Variants in SREK1IP1 observed in about 807,000 individuals in gnomAD.
SREK1IP1 encodes the protein protein SREK1IP1.
A neutral mutation model predicts 22.8 loss-of-function variants in SREK1IP1; 12 were observed. The ratio of observed to expected loss-of-function variants is 0.53; its 90% CI spans 0.34 to 0.85. The LOEUF (loss-of-function observed/expected upper bound fraction) is 0.85, where lower values mean the gene tolerates loss of function less well. Among genes scored for constraint, SREK1IP1 ranks in the 40% least tolerant of loss-of-function variants. The pLI, the probability that SREK1IP1 is intolerant of heterozygous loss-of-function variation, is 0.02. For synonymous variants in SREK1IP1, 53 were observed against 52.7 expected, an observed-to-expected ratio of 1.01 and a Z score of -0.02; for missense variants, 147 against 171.8, an observed-to-expected ratio of 0.86 and a Z score of 0.81.
At chr5:64,755,984 T>TA (rs1377064214) in intron 1 of SREK1IP1, among the ~76,000 whole-genome samples, 1 of 152,088 alleles carries the variant, frequency 6.6e-6, no homozygotes, top group Non-Finnish European at 1.5e-5. Context: ...TTATAAGAAA[T>TA]ATCTAAATTC....
At chr5:64,761,760 A>G (rs141192237) in intron 1 of SREK1IP1, among the ~76,000 whole-genome samples, 1 of 152,382 alleles carries the variant, frequency 6.6e-6, no homozygotes, top group East Asian at 1.9e-4. Flanking sequence ...CAGCTAAGAA[A>G]TACGCGTGTG....
chr5:64,736,219 A>G (rs1293185798), intron 3 of SREK1IP1, among the ~76,000 whole-genome samples: 1 of 152,156 alleles, frequency 6.6e-6, no homozygotes, highest in Non-Finnish European at 1.5e-5. Flanking sequence ...TTAAAAAAAA[A>G]ATGTGTATTT....
chr5:64,759,314 A>C (rs1009491718), intron 1 of SREK1IP1, among the ~76,000 whole-genome samples: 2 of 152,190 alleles, frequency 1.3e-5, no homozygotes, highest in African/African-American at 4.8e-5. Context: ...TCCATGTCAA[A>C]GTGACTATAG....
At chr5:64,768,167 G>A (rs2112124824) in intron 1 of SREK1IP1, among the ~76,000 whole-genome samples, 1 of 152,158 alleles carries the variant, frequency 6.6e-6, no homozygotes, top group South Asian at 2.1e-4. Flanking sequence ...TCAAGTTTTA[G>A]TTTTAAGCCA....
chr5:64,763,173 T>C (rs970047031), intron 1 of SREK1IP1, among the ~76,000 whole-genome samples: 6 of 152,144 alleles, frequency 3.9e-5, no homozygotes, highest in African/African-American at 7.2e-5. Context: ...TATACTGATA[T>C]GAAATGTATA....
chr5:64,725,544 G>C (rs1249296860), intron 4 of SREK1IP1, among the ~76,000 whole-genome samples: 1 of 152,172 alleles, frequency 6.6e-6, no homozygotes, highest in African/African-American at 2.4e-5. Flanking sequence ...AGGCTATTTT[G>C]TGTCTGTATA....
chr5:64,740,593 A>G (rs58392418), intron 3 of SREK1IP1, among the ~76,000 whole-genome samples: 7,127 of 152,232 alleles, frequency 0.047, 474 homozygotes, highest in African/African-American at 0.15. Flanking sequence ...GATCACTTGT[A>G]TACTTGAAAT....
Position 64,718,323 on chromosome 5 carries a change from C to G in SREK1IP1, c.*6061G>C. 4.7e-6 allele frequency: 1 copy of G among 214,180 alleles called. No homozygotes were observed. Among genetic ancestry groups the G allele is most frequent in the Non-Finnish European group, 9.1e-6 (1 of 110,422 alleles). 13.3% of individuals were successfully genotyped at this position (214,180 alleles called of 1,614,324 possible). On this transcript the variant is annotated 3_prime_UTR_variant, in exon 5 of 5. Transcript: ENST00000513458. ...TAAGCAGTCCTATCTCAGTGAAGAA[C>G]AGTGAGAAGTTTATGTCACATTACC...
At position 64,735,048 on chromosome 5, in the gene SREK1IP1, T is replaced by C. The variant is rs571553653; in HGVS notation, c.205+6009A>G. Among the ~76,000 whole-genome samples, 11 of 152,188 alleles carry C rather than the reference T, an allele frequency of 7.2e-5. No individual in the cohort carries two copies. The South Asian group carries it at 2.3e-3, about 31-fold the overall frequency. On this transcript the variant is annotated intron_variant, in intron 3 of 4. Transcript: ENST00000513458. ...TATGATGTAACATTTTGGTTTTTTA[T>C]AGATTTTGTATGAAGTTAATGAAGT...
intron 3 of SREK1IP1, among the ~76,000 whole-genome samples, chr5:64,737,659 G>C (rs1288593038): frequency 6.7e-6 from 1 of 149,144 alleles, no homozygotes; most frequent in Non-Finnish European, 1.5e-5. Flanking sequence ...TTAATAAAAA[G>C]ATAAAACTGA....
intron 1 of SREK1IP1, among the ~76,000 whole-genome samples, chr5:64,756,529 T>A (rs1005298503): frequency 1.1e-4 from 17 of 152,258 alleles, no homozygotes; most frequent in African/African-American, 3.9e-4. Context: ...TATTCCATTG[T>A]ATGCACATAT....
Position 64,754,355 on chromosome 5 carries a change from G to A in SREK1IP1, c.21C>T (p.Asn7=). The A allele has an allele frequency of 1.2e-6, 2 of 1,613,596 alleles. No individual in the cohort carries two copies. The highest frequency in any genetic ancestry group is 1.7e-6 in the Non-Finnish European group (2 of 1,179,662). ...TACAGCCTGCTCTGACACTGTCCTT[G>A]TTGCAACCTGAAATACAATTGGATA... MAVPGC[N]KDSVRAGCKK... Residue 7 remains asparagine, a synonymous_variant, in exon 2 of 5, where the codon AAC becomes AAT. Transcript: ENST00000513458.
In SREK1IP1 at chr5:64,745,643, C is replaced by T. The variant is rs117278925; in HGVS notation, c.62-4443G>A. The stretch of plus-strand genomic sequence containing the variant: ...TTACAGTACTTAAGCTAGCTTTGTA[C>T]CCAAATACCTCTCATCCTCTCATTG... On this transcript the variant is annotated intron_variant, in intron 2 of 4. Coordinates refer to ENST00000513458, the MANE Select transcript of SREK1IP1 (RefSeq NM_173829.4). Among the ~76,000 whole-genome samples the T allele has an allele frequency of 7.3e-4, 111 of 151,120 alleles. 1 individual carries two copies. The East Asian group carries it at 0.018, about 25-fold the overall frequency.
Position 64,752,144 on chromosome 5 carries a change from G to GTT in SREK1IP1, c.61+2170_61+2171insAA, listed in dbSNP as rs755420855. Among the ~76,000 whole-genome samples the GTT allele has an allele frequency of 2.2e-3, 184 of 85,430 alleles. 15 individuals carry two copies. Among genetic ancestry groups the GTT allele is most frequent in the Middle Eastern group, 0.016 (3 of 186 alleles). The allele number at this position is 85,430 out of a possible 152,430, so 56.0% of individuals were successfully genotyped here. A position where few individuals can be genotyped will look rare whatever the true frequency, so the allele number is the denominator to read the frequency against. On this transcript the variant is annotated intron_variant, in intron 2 of 4. Coordinates refer to ENST00000513458, the MANE Select transcript of SREK1IP1 (RefSeq NM_173829.4). ...CTCTTTTTCTGTGAATTTTTTTTGT[G>GTT]TGTTTTTTTTTTTTTTTTTTTTTTT...
intron 1 of SREK1IP1, among the ~76,000 whole-genome samples, chr5:64,763,857 C>T (rs1742992959): frequency 6.6e-6 from 1 of 152,142 alleles, no homozygotes; most frequent in South Asian, 2.1e-4. Context: ...CACTGTCACA[C>T]CTATTATCTC....
intron 3 of SREK1IP1, among the ~76,000 whole-genome samples, chr5:64,731,521 C>CAAAAAAAAAAAAAAAAAA (rs10599290): frequency 6.7e-5 from 5 of 74,624 alleles, no homozygotes; most frequent in African/African-American, 2.0e-4. Flanking sequence ...GCCCTTGTCT[C>CAAAAAAAAAAAAAAAAAA]AAAAAAAAAA....
chr5:64,763,008 C>T (rs1742976054), intron 1 of SREK1IP1, among the ~76,000 whole-genome samples: 1 of 151,864 alleles, frequency 6.6e-6, no homozygotes, highest in Non-Finnish European at 1.5e-5. Context: ...GCTGAAATTG[C>T]ATCACTGCAC....
intron 3 of SREK1IP1, among the ~76,000 whole-genome samples, chr5:64,732,084 T>C (rs985196281): frequency 1.3e-5 from 2 of 152,216 alleles, no homozygotes; most frequent in Non-Finnish European, 2.9e-5. Flanking sequence ...CTATTTCTAG[T>C]ATCCACGATT....
At chr5:64,764,562 T>C (rs1743004984) in intron 1 of SREK1IP1, among the ~76,000 whole-genome samples, 1 of 152,174 alleles carries the variant, frequency 6.6e-6, no homozygotes, top group Non-Finnish European at 1.5e-5. Flanking sequence ...CTTGGGAGTG[T>C]GCACTGCATT....
Sources: gnomAD v4.1 joint callset for allele counts (sites outside exome capture counted in the v4.1 genomes callset) on GRCh38, gnomAD v4.1.1 for gene constraint, MANE v1.5 for transcripts, NCBI Gene and HGNC (gene_info 2026-07-23, HGNC 2026-07-21) for gene names.